Variants in LRGUK observed in about 807,000 individuals in gnomAD.
The protein encoded by LRGUK is leucine rich repeats and guanylate kinase domain containing.
LRGUK carries 65 observed loss-of-function variants against 76.0 expected under a neutral mutation model. That is an observed-to-expected ratio of 0.85 (90% CI 0.70 to 1.05). LRGUK has a LOEUF of 1.05. Ranked by LOEUF, LRGUK falls within the 50% of genes least tolerant of loss-of-function variation. LRGUK has a pLI of 0.00. For missense variants in LRGUK, 758 were observed against 732.8 expected (o/e 1.03, Z -0.40); for synonymous variants, 268 against 265.6 (o/e 1.01, Z -0.09).
At chr7:134,201,330 AG>A (rs994889001) in intron 14 of LRGUK, 150 bp from the exon 15 acceptor site, 4 of 590,166 alleles carry the variant, frequency 6.8e-6, no homozygotes, top group Admixed American at 2.9e-5. Flanking sequence ...GATTATACAA[AG>A]GTGATGTGTC....
intron 16 of LRGUK, among the ~76,000 whole-genome samples, chr7:134,232,879 G>T (rs138689318): frequency 6.6e-6 from 1 of 151,504 alleles, no homozygotes; most frequent in Non-Finnish European, 1.5e-5. Flanking sequence ...ATCTTAAATG[G>T]TACTTTTCTG....
At chr7:134,266,128 C>T (rs1459607478), downstream of LRGUK, among the ~76,000 whole-genome samples, 1 of 152,162 alleles carries the variant, frequency 6.6e-6, no homozygotes, top group Non-Finnish European at 1.5e-5. Context: ...GCCTTTCTGC[C>T]CCACTGGTAT....
downstream of LRGUK, among the ~76,000 whole-genome samples, chr7:134,214,652 T>A (rs544896713): frequency 3.3e-5 from 5 of 152,222 alleles, no homozygotes; most frequent in East Asian, 9.6e-4. Flanking sequence ...ATGGCTCTAG[T>A]TATTAGCTCT....
At chr7:134,250,109 G>A (rs181365586) in intron 18 of LRGUK, among the ~76,000 whole-genome samples, 17 of 152,236 alleles carry the variant, frequency 1.1e-4, no homozygotes, top group African/African-American at 3.9e-4. Flanking sequence ...GCATCCAAAC[G>A]CATGGCAATG....
chr7:134,143,238 A>G, intron 4 of LRGUK, 76 bp downstream of exon 4: 1 of 818,484 alleles, frequency 1.2e-6, no homozygotes, highest in Non-Finnish European at 2.1e-6. Context: ...TAGCACTCAA[A>G]TAGAGAATTC....
chr7:134,251,603 A>G (rs1802447536), intron 18 of LRGUK, among the ~76,000 whole-genome samples: 1 of 152,174 alleles, frequency 6.6e-6, no homozygotes, highest in African/African-American at 2.4e-5. Flanking sequence ...GTTCCCTTTA[A>G]CATGCTACAT....
chr7:134,156,125 T>C (rs80248120), intron 5 of LRGUK, among the ~76,000 whole-genome samples: 5,219 of 152,346 alleles, frequency 0.034, 136 homozygotes, highest in Non-Finnish European at 0.054. Flanking sequence ...TTAAAGTGTT[T>C]GCCAAGCTGA....
At chr7:134,163,649 T>C (rs1798853524) in intron 7 of LRGUK, 109 bp downstream of exon 7, 2 of 962,272 alleles carry the variant, frequency 2.1e-6, no homozygotes, top group Non-Finnish European at 2.8e-6. Flanking sequence ...ACACATTAAA[T>C]GTCAGCTTAG....
chr7:134,164,302 CAAAAAT>C (rs940881985), intron 7 of LRGUK, among the ~76,000 whole-genome samples: 9 of 152,136 alleles, frequency 5.9e-5, no homozygotes, highest in African/African-American at 2.2e-4. Flanking sequence ...CTTAAACCCT[CAAAAAT>C]AAAATAAAGA....
intron 12 of LRGUK, among the ~76,000 whole-genome samples, chr7:134,193,989 C>T (rs1266555289): frequency 6.6e-6 from 1 of 152,146 alleles, no homozygotes; most frequent in African/African-American, 2.4e-5. Context: ...CAATCATCCC[C>T]CTAACATGCC....
intron 16 of LRGUK, among the ~76,000 whole-genome samples, chr7:134,238,258 A>G (rs974617703): frequency 4.6e-5 from 7 of 151,904 alleles, no homozygotes; most frequent in African/African-American, 7.3e-5. Flanking sequence ...GAGTTCTTGT[A>G]TGTGGATAAC....
chr7:134,228,152 G>T (rs571269721), intron 16 of LRGUK, among the ~76,000 whole-genome samples: 1 of 152,188 alleles, frequency 6.6e-6, no homozygotes, highest in Non-Finnish European at 1.5e-5. Context: ...TAACAATTAG[G>T]TTGACAGCGA....
intron 16 of LRGUK, among the ~76,000 whole-genome samples, chr7:134,226,861 GC>G (rs1444632734): frequency 1.3e-5 from 2 of 152,138 alleles, no homozygotes; most frequent in Non-Finnish European, 2.9e-5. Context: ...AAGGACTCAG[GC>G]CCTCAGCTGT....
chr7:134,166,784 G>A (rs553108609), intron 7 of LRGUK, among the ~76,000 whole-genome samples: 50 of 152,198 alleles, frequency 3.3e-4, no homozygotes, highest in African/African-American at 1.0e-3. Flanking sequence ...ATTCTTTGCC[G>A]AAGACTCCTT....
chr7:134,239,937 A>G (rs1802099902), intron 16 of LRGUK, among the ~76,000 whole-genome samples: 1 of 152,192 alleles, frequency 6.6e-6, no homozygotes, highest in Admixed American at 6.5e-5. Flanking sequence ...CCAGGCAAAC[A>G]CGGTCTGGAG....
intron 18 of LRGUK, among the ~76,000 whole-genome samples, chr7:134,250,693 A>T (rs1004137914): frequency 6.6e-6 from 1 of 152,216 alleles, no homozygotes; most frequent in Non-Finnish European, 1.5e-5. Context: ...AGACCCTAGC[A>T]TTATAATTAG....
At chr7:134,176,434 C>T (rs545174705) in intron 8 of LRGUK, among the ~76,000 whole-genome samples, 1 of 152,198 alleles carries the variant, frequency 6.6e-6, no homozygotes, top group Non-Finnish European at 1.5e-5. Context: ...GGCTGGAGTG[C>T]AGTGGCGCGA....
In LRGUK at chr7:134,208,037, GGTAGAT is replaced by G. The variant is rs1372343929; in HGVS notation, c.1844-667_1844-662del. Among the ~76,000 whole-genome samples, 19 of 152,188 alleles carry G rather than the reference GGTAGAT, an allele frequency of 1.2e-4. No individual in the cohort carries two copies. The East Asian group carries it at 3.1e-3, about 25-fold the overall frequency. On this transcript the variant is annotated intron_variant, in intron 15 of 15. Coordinates refer to ENST00000645682, the Ensembl canonical transcript of LRGUK. ...CTCTGAGAGCCATTTTTGAAGGCAAGGTAGATGTGGAAGCCCAAGAGGAGGCCTGGG... is the reference window on the plus strand; with the variant it reads ...CTCTGAGAGCCATTTTTGAAGGCAAGGTGGAAGCCCAAGAGGAGGCCTGGG...
intron 7 of LRGUK, among the ~76,000 whole-genome samples, chr7:134,171,593 G>A (rs1326198778): frequency 1.3e-5 from 2 of 152,002 alleles, no homozygotes; most frequent in African/African-American, 2.4e-5. Flanking sequence ...GGAAGTCAAC[G>A]TGCTTTGGGG....
Sources: gnomAD v4.1 joint callset for allele counts (sites outside exome capture counted in the v4.1 genomes callset) on GRCh38, gnomAD v4.1.1 for gene constraint, MANE v1.5 for transcripts, NCBI Gene and HGNC (gene_info 2026-07-23, HGNC 2026-07-21) for gene names.